The following PISD variants were observed in gnomAD, a reference collection of about 807,000 sequenced individuals.
PISD encodes phosphatidylserine decarboxylase proenzyme, mitochondrial.
PISD carries 31 observed loss-of-function variants against 43.5 expected under a neutral mutation model. That is an observed-to-expected ratio of 0.71 (90% CI 0.54 to 0.96). The LOEUF is 0.96. PISD is among the 40% of genes least tolerant of loss of function. The pLI, the probability that PISD is intolerant of heterozygous loss-of-function variation, is 0.00. For missense variants in PISD, 523 were observed against 548.4 expected (o/e 0.95, Z 0.46); for synonymous variants, 259 against 228.7 (o/e 1.13, Z -1.20).
At chr22:31,621,207 TG>T in intron 5 of PISD, 65 bp from the exon 6 acceptor site, 2 of 1,612,272 alleles carry the variant, frequency 1.2e-6, no homozygotes, top group Non-Finnish European at 1.7e-6. Context: ...AGCCCGAGTG[TG>T]GTCTGCACAT....
intron 3 of PISD, among the ~76,000 whole-genome samples, chr22:31,645,483 T>C (rs1184213165): frequency 6.7e-6 from 1 of 149,868 alleles, no homozygotes; most frequent in African/African-American, 2.4e-5. Flanking sequence ...GGTGGGCGGA[T>C]CACCTGAGGT....
chr22:31,661,911 C>CT lies in PISD; in HGVS notation c.65+232dup, dbSNP rs1441850399. On this transcript the variant is annotated intron_variant, in intron 1 of 7. Coordinates refer to ENST00000439502, the MANE Select transcript of PISD (RefSeq NM_001326411.2). ...TCATCTGATTTTTGTCCCTCGTGAA[C>CT]TTCCACCTAGCTGGAAAGGGCAAAG... 1.3e-5 allele frequency among the ~76,000 whole-genome samples: 2 copies of CT among 152,208 alleles called. 1 individual carries two copies. Among genetic ancestry groups the CT allele is most frequent in the African/African-American group, 4.8e-5 (2 of 41,458 alleles).
At chr22:31,629,927 T>C (rs761746) in intron 3 of PISD, 55,468 of 151,874 alleles carry the variant, frequency 0.37, 10,999 homozygotes, top group African/African-American at 0.52. Flanking sequence ...CAGCAGAAAC[T>C]TCCAGGGCCC....
intron 2 of PISD, among the ~76,000 whole-genome samples, chr22:31,650,399 C>T (rs1016719043): frequency 1.3e-5 from 2 of 151,760 alleles, no homozygotes; most frequent in South Asian, 2.1e-4. Context: ...ATTAGCCAGG[C>T]GTGGTGGTGC....
At chr22:31,640,886 T>TTTTTTTTTGTTTTG (rs1254683477) in intron 3 of PISD, among the ~76,000 whole-genome samples, 8 of 69,478 alleles carry the variant, frequency 1.2e-4, no homozygotes, top group African/African-American at 5.3e-4. Context: ...CGGTGTTTTT[T>TTTTTTTTTGTTTTG]TTTTTTTTTT....
intron 3 of PISD, chr22:31,628,345 G>T: frequency 4.3e-6 from 1 of 233,646 alleles, no homozygotes; most frequent in Non-Finnish European, 7.0e-6. Context: ...TGACAGCCCT[G>T]GAAGCCCAAG....
chr22:31,619,067 T>G lies in PISD; in HGVS notation c.*545A>C. 1 of 237,242 alleles carries G rather than the reference T, an allele frequency of 4.2e-6. No individual in the cohort carries two copies. Among genetic ancestry groups the G allele is most frequent in the Non-Finnish European group, 8.5e-6 (1 of 118,262 alleles). 14.7% of individuals were successfully genotyped at this position (237,242 alleles called of 1,614,324 possible). ...TGCGTTCAGCCACAAGCACAAAGAC[T>G]GCTTTTTCTAAAGAGCAGGATGAGG... On this transcript the variant is annotated 3_prime_UTR_variant, in exon 8 of 8. Coordinates refer to ENST00000439502, the MANE Select transcript of PISD (RefSeq NM_001326411.2).
chr22:31,620,814 T>G, intron 6 of PISD, 101 bp from the exon 7 acceptor site: 1 of 1,483,182 alleles, frequency 6.7e-7, no homozygotes, highest in South Asian at 1.2e-5. Flanking sequence ...TGCCCCGATG[T>G]CACTCCAAAT....
Position 31,619,095 on chromosome 22 carries a change from A to C in PISD, c.*517T>G, listed in dbSNP as rs537079763. ...TTTTTCTAAAGAGCAGGATGAGGTG[A>C]ATGTGGGAACGGAAAGCAGTTGTCA... On this transcript the variant is annotated 3_prime_UTR_variant, in exon 8 of 8. Coordinates refer to ENST00000439502, the MANE Select transcript of PISD (RefSeq NM_001326411.2). 13 of 249,940 alleles carry C rather than the reference A, an allele frequency of 5.2e-5. No individual in the cohort carries two copies. The highest frequency in any genetic ancestry group is 3.0e-4 in the African/African-American group (13 of 44,008). The allele number at this position is 249,940 out of a possible 1,614,324, so 15.5% of individuals were successfully genotyped here. A position where few individuals can be genotyped will look rare whatever the true frequency, so the allele number is the denominator to read the frequency against.
At chr22:31,657,947 CAAAT>C (rs1245321435) in intron 1 of PISD, among the ~76,000 whole-genome samples, 1 of 152,228 alleles carries the variant, frequency 6.6e-6, no homozygotes, top group Non-Finnish European at 1.5e-5. Flanking sequence ...ACAGCTCCCA[CAAAT>C]AAGTGAGAAC....
chr22:31,661,665 G>C (rs2074320054), intron 1 of PISD, among the ~76,000 whole-genome samples: 1 of 152,148 alleles, frequency 6.6e-6, no homozygotes, highest in Non-Finnish European at 1.5e-5. Flanking sequence ...GGGGTCACAA[G>C]GGTAACCAAG....
chr22:31,656,547 G>A (rs1340962837), intron 1 of PISD, among the ~76,000 whole-genome samples: 3 of 151,596 alleles, frequency 2.0e-5, no homozygotes, highest in Non-Finnish European at 4.4e-5. Flanking sequence ...TACTCAGGAC[G>A]CTGAGGCAGA....
intron 3 of PISD, among the ~76,000 whole-genome samples, chr22:31,636,226 C>A (rs184203469): frequency 6.6e-6 from 1 of 152,302 alleles, no homozygotes; most frequent in South Asian, 2.1e-4. Context: ...TGGTGGTAGA[C>A]CAGACAGGCT....
Position 31,621,132 on chromosome 22 carries a change from A to T in PISD, c.708T>A (p.Cys236Ter). 8.7e-6 allele frequency: 14 copies of T among 1,614,166 alleles called. No homozygotes were observed. The highest frequency in any genetic ancestry group is 1.0e-5 in the Non-Finnish European group (12 of 1,180,028). Reference sequence around the variant, plus strand: ...TGACCAGCTGGTTCTTGAAGGAGTCACACGACGCGGCTGTGGAGTAGGAGC... The same window carrying T: ...TGACCAGCTGGTTCTTGAAGGAGTCTCACGACGCGGCTGTGGAGTAGGAGC... Reference protein sequence around the residue: ...EDLPFPPAASCDSFKNQLVTR... With the variant: ...EDLPFPPAAS The change falls in exon 6 of 8, where the codon TGT (cysteine) becomes TGA (stop). Residue 236 changes from cysteine (C) to a stop codon, truncating the protein, a stop_gained. Coordinates refer to ENST00000439502, the MANE Select transcript of PISD (RefSeq NM_001326411.2). LOFTEE classifies it high-confidence loss of function.
At chr22:31,656,536 C>T (rs1223986554) in intron 1 of PISD, among the ~76,000 whole-genome samples, 2 of 151,782 alleles carry the variant, frequency 1.3e-5, no homozygotes, top group Non-Finnish European at 2.9e-5. Context: ...ATAGTCCCAG[C>T]TACTCAGGAC....
At position 31,619,820 on chromosome 22, in the gene PISD, C is replaced by CTGTT. The variant is rs778270827; in HGVS notation, c.1018_1021dup (p.Ser341LysfsTer12). On this transcript the variant is annotated frameshift_variant, in exon 8 of 8. Coordinates refer to ENST00000439502, the MANE Select transcript of PISD (RefSeq NM_001326411.2). LOFTEE classifies it high-confidence loss of function. ...GTAGGAGCCCTTGCTGTGCCTTGGG[C>CTGTT]TGTTTGTGTGCAGGTCCTGTGGTGA... The CTGTT allele has an allele frequency of 1.2e-5, 19 of 1,613,460 alleles. No individual in the cohort carries two copies. Among genetic ancestry groups the CTGTT allele is most frequent in the Non-Finnish European group, 1.4e-5 (17 of 1,179,664 alleles).
At chr22:31,636,436 AAAC>A (rs2073437932) in intron 3 of PISD, among the ~76,000 whole-genome samples, 1 of 152,226 alleles carries the variant, frequency 6.6e-6, no homozygotes, top group Non-Finnish European at 1.5e-5. Context: ...CCATGCCTCA[AAAC>A]AATAAAACCA....
chr22:31,658,214 G>T (rs1479844628), intron 1 of PISD, among the ~76,000 whole-genome samples: 6 of 152,088 alleles, frequency 3.9e-5, no homozygotes. Context: ...ATTCTACATC[G>T]CATCCTTCAA....
chr22:31,654,504 C>T (rs545453649), intron 1 of PISD, among the ~76,000 whole-genome samples: 1 of 152,156 alleles, frequency 6.6e-6, no homozygotes, highest in Non-Finnish European at 1.5e-5. Context: ...CTGTAGAAGA[C>T]AGGATTCCCG....
Sources: allele counts gnomAD v4.1 joint callset (sites outside exome capture counted in the v4.1 genomes callset), GRCh38; gene constraint gnomAD v4.1.1; transcripts MANE v1.5; gene names NCBI Gene and HGNC (gene_info 2026-07-23, HGNC 2026-07-21).